CNTNAP2: variants seen among roughly 807,000 people sequenced by gnomAD.
CNTNAP2 encodes contactin-associated protein-like 2.
A neutral mutation model predicts 155.2 loss-of-function variants in CNTNAP2; 98 were observed. That is an observed-to-expected ratio of 0.63 (90% CI 0.54 to 0.75). CNTNAP2 has a LOEUF of 0.75. Among genes scored for constraint, CNTNAP2 ranks in the 30% least tolerant of loss-of-function variants. The pLI is 0.00. For synonymous variants in CNTNAP2, 651 were observed against 631.2 expected (o/e 1.03, Z -0.47); for missense variants, 1,727 against 1,688.1 (o/e 1.02, Z -0.40).
At chr7:146,524,203 TA>T (rs1797655877) in intron 1 of CNTNAP2, among the ~76,000 whole-genome samples, 1 of 152,120 alleles carries the variant, frequency 6.6e-6, no homozygotes, top group South Asian at 2.1e-4. Context: ...TCAGAGCTCT[TA>T]AAAAGTTGCT....
At chr7:146,849,335 G>T (rs28626748) in intron 3 of CNTNAP2, among the ~76,000 whole-genome samples, 5,574 of 152,200 alleles carry the variant, frequency 0.037, 333 homozygotes, top group African/African-American at 0.12. Context: ...GAACCATGAT[G>T]TCCCTTAAAC....
At chr7:147,680,855 T>C (rs1189211359) in intron 13 of CNTNAP2, among the ~76,000 whole-genome samples, 1 of 151,678 alleles carries the variant, frequency 6.6e-6, no homozygotes, top group Non-Finnish European at 1.5e-5. Flanking sequence ...AAATATATAA[T>C]AACATATTAG....
chr7:147,753,304 C>T (rs1797167784), intron 13 of CNTNAP2, among the ~76,000 whole-genome samples: 2 of 152,170 alleles, frequency 1.3e-5, no homozygotes, highest in Admixed American at 6.5e-5. Flanking sequence ...TCACTATGCA[C>T]AGCGCCTAAT....
Position 147,222,764 on chromosome 7 carries a change from A to C in CNTNAP2, c.1349-77377A>C, listed in dbSNP as rs1170186645. On this transcript the variant is annotated intron_variant, in intron 8 of 23. Coordinates refer to ENST00000361727, the MANE Select transcript of CNTNAP2 (RefSeq NM_014141.6). ...TACTCTGATTAGGTCTCAGTCTCTT[A>C]GTACCCCTATGCCTTTGGACTGTGA... Among the ~76,000 whole-genome samples, 3 of 148,346 alleles carry C rather than the reference A, an allele frequency of 2.0e-5. No individual in the cohort carries two copies. The East Asian group carries it at 6.0e-4, about 30-fold the overall frequency.
chr7:147,412,781 A>G (rs1797126401), intron 10 of CNTNAP2, among the ~76,000 whole-genome samples: 1 of 152,232 alleles, frequency 6.6e-6, no homozygotes, highest in African/African-American at 2.4e-5. Flanking sequence ...AAAGGCTCAT[A>G]TCAGATAATA....
chr7:147,172,567 A>G (rs1209812160), intron 8 of CNTNAP2, among the ~76,000 whole-genome samples: 1 of 152,146 alleles, frequency 6.6e-6, no homozygotes, highest in Non-Finnish European at 1.5e-5. Flanking sequence ...CATGGTTATA[A>G]TTTCTCAATT....
intron 1 of CNTNAP2, among the ~76,000 whole-genome samples, chr7:146,514,183 G>GT (rs1797508786): frequency 6.6e-6 from 1 of 151,800 alleles, no homozygotes; most frequent in South Asian, 2.1e-4. Flanking sequence ...ATATTTCACT[G>GT]TTTGACTATT....
At chr7:148,173,417 G>A (rs1023369030) in intron 18 of CNTNAP2, among the ~76,000 whole-genome samples, 10 of 152,186 alleles carry the variant, frequency 6.6e-5, no homozygotes, top group African/African-American at 1.9e-4. Context: ...TACATAAGTA[G>A]CCTGTTCAGA....
chr7:147,732,187 C>CA (rs57392184), intron 13 of CNTNAP2, among the ~76,000 whole-genome samples: 28 of 137,454 alleles, frequency 2.0e-4, no homozygotes, highest in Admixed American at 4.5e-4. Flanking sequence ...TCCCTCCCCC[C>CA]CCCACCACCC....
chr7:147,509,239 C>T (rs1252895349), intron 11 of CNTNAP2, among the ~76,000 whole-genome samples: 1 of 152,172 alleles, frequency 6.6e-6, no homozygotes, highest in Non-Finnish European at 1.5e-5. Context: ...ACTCTCTGTT[C>T]TCCCACAGCA....
At chr7:147,414,150 C>A (rs993567788) in intron 10 of CNTNAP2, among the ~76,000 whole-genome samples, 1 of 152,076 alleles carries the variant, frequency 6.6e-6, no homozygotes, top group Non-Finnish European at 1.5e-5. Flanking sequence ...AAAGGCTGGG[C>A]GCAGTGGCTC....
At chr7:147,199,464 A>G (rs990954476) in intron 8 of CNTNAP2, among the ~76,000 whole-genome samples, 2 of 152,234 alleles carry the variant, frequency 1.3e-5, no homozygotes, top group African/African-American at 4.8e-5. Flanking sequence ...CTAAAACAGT[A>G]TACTACGTTT....
At chr7:146,527,009 C>T (rs1180403735) in intron 1 of CNTNAP2, among the ~76,000 whole-genome samples, 1 of 151,970 alleles carries the variant, frequency 6.6e-6, no homozygotes, top group East Asian at 1.9e-4. Flanking sequence ...CCGCCTCGGC[C>T]TCCCAAAGTG....
chr7:146,966,454 TG>T (rs1361332316), intron 3 of CNTNAP2, among the ~76,000 whole-genome samples: 5 of 152,236 alleles, frequency 3.3e-5, no homozygotes, highest in African/African-American at 1.2e-4. Flanking sequence ...CTGCCGCCTT[TG>T]ACGTAGGCCT....
At chr7:147,802,175 A>C (rs1798007918) in intron 13 of CNTNAP2, among the ~76,000 whole-genome samples, 1 of 138,990 alleles carries the variant, frequency 7.2e-6, no homozygotes, top group Non-Finnish European at 1.5e-5. Context: ...CACATCCCAG[A>C]CGGGGCGGCG....
At chr7:146,897,790 A>AT (rs2129212907) in intron 3 of CNTNAP2, among the ~76,000 whole-genome samples, 1 of 152,080 alleles carries the variant, frequency 6.6e-6, no homozygotes, top group Non-Finnish European at 1.5e-5. Flanking sequence ...AGTTAGCCTC[A>AT]TTTTTTCAAG....
chr7:147,592,197 T>C (rs1009689592), intron 12 of CNTNAP2, among the ~76,000 whole-genome samples: 1 of 152,176 alleles, frequency 6.6e-6, no homozygotes. Flanking sequence ...TAAATATTTG[T>C]TACATGAGTG....
At chr7:148,079,453 C>G (rs1392972365) in intron 15 of CNTNAP2, among the ~76,000 whole-genome samples, 1 of 152,066 alleles carries the variant, frequency 6.6e-6, no homozygotes, top group Non-Finnish European at 1.5e-5. Flanking sequence ...TTGTAGAGAC[C>G]AAGGCTCTTA....
At position 147,364,829 on chromosome 7, in the gene CNTNAP2, A is replaced by G. The variant is rs184671610; in HGVS notation, c.1499-30780A>G. 3.9e-3 allele frequency among the ~76,000 whole-genome samples: 583 copies of G among 150,912 alleles called. 2 individuals carry two copies. Among genetic ancestry groups the G allele is most frequent in the Non-Finnish European group, 6.7e-3 (450 of 67,616 alleles). On this transcript the variant is annotated intron_variant, in intron 9 of 23. Transcript: ENST00000361727. ...GCGCCACTGCACTCCAGCCTGGGCG[A>G]CGGAGTGAGACTCAGTCTCGGGAAA...
Sources: gnomAD v4.1 joint callset for allele counts (sites outside exome capture counted in the v4.1 genomes callset) on GRCh38, gnomAD v4.1.1 for gene constraint, MANE v1.5 for transcripts, NCBI Gene and HGNC (gene_info 2026-07-23, HGNC 2026-07-21) for gene names.